The following DNAH10 variants were observed in gnomAD, a reference collection of about 807,000 sequenced individuals.
The protein encoded by DNAH10 is axonemal beta dynein heavy chain 10.
A neutral mutation model predicts 506.6 loss-of-function variants in DNAH10; 348 were observed. The observed-to-expected ratio is 0.69, with a 90% CI of 0.63 to 0.75. DNAH10 has a LOEUF of 0.75. Ranked by LOEUF, DNAH10 falls within the 30% of genes least tolerant of loss-of-function variation. The pLI, the probability that DNAH10 is intolerant of heterozygous loss-of-function variation, is 0.00. For synonymous variants in DNAH10, 2,059 were observed against 2,198.6 expected, an observed-to-expected ratio of 0.94 and a Z score of 1.78; for missense variants, 5,179 against 5,787.1, an observed-to-expected ratio of 0.89 and a Z score of 3.41.
Position 123,762,418 on chromosome 12 carries a change from C to A in DNAH10, c.82C>A (p.Leu28Met). Residue 28 changes from leucine (L) to methionine (M), a missense_variant, in exon 1 of 79, where the codon CTG (leucine) becomes ATG (methionine). Around this residue, in one of 3 missense-constraint regions of DNAH10, gnomAD observed 326 missense variants for 330.8 expected, o/e 0.99. Coordinates refer to ENST00000673944, the MANE Select transcript of DNAH10 (RefSeq NM_001372106.1). The surrounding 1 kb of genome is among the most constrained non-coding windows in gnomAD (Gnocchi z 5.0). The stretch of plus-strand genomic sequence containing the variant: ...CACCGACCCCCAGCTTTTCGAGGAC[C>A]TGCTCAACCGCGACGACGGCCAGGG... Reference protein sequence around the residue: ...GITDPQLFEDLLNRDDGQGED... With the variant: ...GITDPQLFEDMLNRDDGQGED... 7.1e-7 allele frequency: 1 copy of A among 1,415,980 alleles called. No homozygotes were observed. 87.7% of individuals were successfully genotyped at this position (1,415,980 alleles called of 1,614,324 possible).
At chr12:123,879,943 C>A in intron 50 of DNAH10, 142 bp downstream of exon 50, 1 of 1,009,026 alleles carries the variant, frequency 9.9e-7, no homozygotes, top group Non-Finnish European at 1.4e-6. Context: ...GTGTCTGGTC[C>A]GGTGGTTCCC....
chr12:123,910,389 C>T (rs1228588166), intron 58 of DNAH10, 147 bp from the exon 59 acceptor site: 2 of 1,049,816 alleles, frequency 1.9e-6, no homozygotes, highest in African/African-American at 1.6e-5. Context: ...CTTGGTTTGA[C>T]ACCACGCTGT....
Position 123,928,173 on chromosome 12 carries a change from TG to T in DNAH10, c.12106-211del. On this transcript the variant is annotated intron_variant, in intron 69 of 78. Coordinates refer to ENST00000673944, the MANE Select transcript of DNAH10 (RefSeq NM_001372106.1). The surrounding 1 kb of genome is among the most constrained non-coding windows in gnomAD (Gnocchi z 4.9). ...CAAAATGCTCACCCATCTTCCAGGCTGGGTGTGACCAGCTCAGTGCACCCAC... is the reference window on the plus strand; with the variant it reads ...CAAAATGCTCACCCATCTTCCAGGCTGGTGTGACCAGCTCAGTGCACCCAC... The T allele has an allele frequency of 1.6e-6, 1 of 607,400 alleles. No individual in the cohort carries two copies. Among genetic ancestry groups the T allele is most frequent in the Non-Finnish European group, 2.9e-6 (1 of 344,978 alleles). 37.6% of individuals were successfully genotyped at this position (607,400 alleles called of 1,614,324 possible).
intron 18 of DNAH10, among the ~76,000 whole-genome samples, chr12:123,808,452 A>T (rs1379104504): frequency 6.6e-6 from 1 of 152,154 alleles, no homozygotes; most frequent in Admixed American, 6.5e-5. Flanking sequence ...TGTCACATCT[A>T]CTTTCATCCT....
intron 6 of DNAH10, among the ~76,000 whole-genome samples, chr12:123,782,441 A>C (rs1594007909): frequency 5.3e-5 from 6 of 113,652 alleles, no homozygotes; most frequent in African/African-American, 1.4e-4. Flanking sequence ...ACAAGGTCTC[A>C]CTCTGCCGCC....
chr12:123,792,677 T>A (rs1292772921), intron 11 of DNAH10, among the ~76,000 whole-genome samples: 1 of 152,094 alleles, frequency 6.6e-6, no homozygotes, highest in African/African-American at 2.4e-5. Flanking sequence ...GCCAGGCTGG[T>A]CTTGAACTTC....
chr12:123,913,277 A>C lies in DNAH10; in HGVS notation c.10314A>C (p.Ala3438=), dbSNP rs1468943588. 11 of 1,605,632 alleles carry C rather than the reference A, an allele frequency of 6.9e-6. No homozygotes were observed. The highest frequency in any genetic ancestry group is 1.7e-5 in the Admixed American group (1 of 59,046). Residue 3438 remains alanine (A), a synonymous_variant, in exon 60 of 79, where the codon GCA becomes GCC. Transcript: ENST00000673944. This position sits in a 1 kb window ranked among gnomAD's most constrained non-coding sequence, Gnocchi z 5.1. The part of the protein sequence containing the change: ...AEIMERRLIA[A]DKLISGLGSE... ...TCATGGAGAGGCGGCTGATTGCCGC[A>C]GACAAACTCATCTCGGGTCTGGGGT...
rs532669434 is a variant in DNAH10 at position 123,790,724 on chromosome 12, G to A, written c.1815+603G>A. ...GAGGGAAATCAAGCTAGAAAGGTGG[G>A]TTGGGTAAATAATTGGTGATGAACA... On this transcript the variant is annotated intron_variant, in intron 11 of 78. Coordinates refer to ENST00000673944, the MANE Select transcript of DNAH10 (RefSeq NM_001372106.1). 8.7e-4 allele frequency among the ~76,000 whole-genome samples: 133 copies of A among 152,286 alleles called. 1 individual carries two copies. Among genetic ancestry groups the A allele is most frequent in the Middle Eastern group, 3.4e-3 (1 of 294 alleles).
intron 2 of DNAH10, 146 bp from the exon 3 acceptor site, chr12:123,771,451 TTTGA>T (rs1467357403): frequency 2.1e-5 from 14 of 676,036 alleles, no homozygotes; most frequent in Middle Eastern, 4.9e-4. Context: ...AAGGCCACAA[TTTGA>T]TTGATTGGAA....
Position 123,767,605 on chromosome 12 carries a change from G to A in DNAH10, c.215-1G>A. On this transcript the variant is annotated splice_acceptor_variant, in intron 1 of 78. Coordinates refer to ENST00000673944, the MANE Select transcript of DNAH10 (RefSeq NM_001372106.1). LOFTEE classifies it high-confidence loss of function. The stretch of plus-strand genomic sequence containing the variant: ...TTCTTCCCATTTATGTGGCCATAAA[G>A]ATGAGATACCTGTCCTGTCTGAAGA... 1 of 1,611,520 alleles carries A rather than the reference G, an allele frequency of 6.2e-7. No homozygotes were observed. Among genetic ancestry groups the A allele is most frequent in the Non-Finnish European group, 8.5e-7 (1 of 1,178,620 alleles).
intron 13 of DNAH10, among the ~76,000 whole-genome samples, chr12:123,798,863 T>C (rs1190160809): frequency 6.7e-6 from 1 of 149,906 alleles, no homozygotes; most frequent in East Asian, 1.9e-4. Flanking sequence ...CCCAGCACTT[T>C]GAAAGGCCGA....
Position 123,925,197 on chromosome 12 carries a change from G to A in DNAH10, c.11914G>A (p.Gly3972Arg). 6.2e-7 allele frequency: 1 copy of A among 1,613,982 alleles called. No individual in the cohort carries two copies. Among genetic ancestry groups the A allele is most frequent in the South Asian group, 1.1e-5 (1 of 91,078 alleles). The change falls in exon 68 of 79, where the codon GGA becomes AGA. Residue 3972 changes from glycine to arginine, a missense_variant. Physicochemically the swap from Gly to Arg is moderately radical, Grantham distance 125. Coordinates refer to ENST00000673944, the MANE Select transcript of DNAH10 (RefSeq NM_001372106.1). The surrounding 1 kb of genome is among the most constrained non-coding windows in gnomAD (Gnocchi z 4.0). ...GACTGACTATGTGACTGTAACAATG[G>A]GAGAGAAGTAAGTGTGTCGTTTTGT... Reference protein sequence around the residue: ...AVTDYVTVTMGEKYVQPPMIS... With the variant: ...AVTDYVTVTMREKYVQPPMIS...
rs1023065495 is a variant in DNAH10 at position 123,917,896 on chromosome 12, G to A, written c.11232+83G>A. 2.8e-6 allele frequency: 4 copies of A among 1,411,370 alleles called. No individual in the cohort carries two copies. Among genetic ancestry groups the A allele is most frequent in the Non-Finnish European group, 3.9e-6 (4 of 1,035,450 alleles). 87.4% of individuals were successfully genotyped at this position (1,411,370 alleles called of 1,614,324 possible). On this transcript the variant is annotated intron_variant, in intron 64 of 78. Coordinates refer to ENST00000673944, the MANE Select transcript of DNAH10 (RefSeq NM_001372106.1). The surrounding 1 kb of genome is among the most constrained non-coding windows in gnomAD (Gnocchi z 5.6). ...GCGTCCATTTCTCTGTCTGCTCAAT[G>A]AGAAAATGGGGCTCTGTGATCTCAG...
intron 38 of DNAH10, among the ~76,000 whole-genome samples, chr12:123,860,741 AAGTT>A (rs1265065517): frequency 2.0e-5 from 3 of 152,178 alleles, no homozygotes; most frequent in Non-Finnish European, 4.4e-5. Flanking sequence ...ATATACATGA[AAGTT>A]AGCTTCTTGG....
chr12:123,822,726 G>T (rs141114703), intron 24 of DNAH10, among the ~76,000 whole-genome samples: 23 of 152,332 alleles, frequency 1.5e-4, no homozygotes, highest in African/African-American at 5.1e-4. Flanking sequence ...GCAAGCTAGA[G>T]ACCCTGGAGA....
Position 123,830,636 on chromosome 12 carries a change from C to A in DNAH10, c.4482C>A (p.His1494Gln). The A allele has an allele frequency of 6.2e-7, 1 of 1,613,846 alleles. No individual in the cohort carries two copies. The highest frequency in any genetic ancestry group is 8.5e-7 in the Non-Finnish European group (1 of 1,179,850). The change falls in exon 26 of 79, where the codon CAC becomes CAA. Residue 1494 changes from histidine (H) to glutamine (Q), a missense_variant. His to Gln is a conservative substitution (Grantham distance 24). Around this residue, in one of 3 missense-constraint regions of DNAH10, gnomAD observed 4,844 missense variants for 5,430.5 expected, o/e 0.89. Coordinates refer to ENST00000673944, the MANE Select transcript of DNAH10 (RefSeq NM_001372106.1). ...TLENMFAMEL[H>Q]KHTDVLNEIV... ...AAAATATGTTTGCTATGGAACTGCA[C>A]AAACACACAGATGTTCTCAATGAGA...
chr12:123,832,329 A>G (rs7978454), intron 26 of DNAH10, among the ~76,000 whole-genome samples: 72,556 of 152,026 alleles, frequency 0.48, 18,915 homozygotes, highest in African/African-American at 0.67. Flanking sequence ...GCACACGTAC[A>G]TATAATGTAC....
chr12:123,783,502 G>C (rs1217746189), intron 7 of DNAH10, among the ~76,000 whole-genome samples: 4 of 152,178 alleles, frequency 2.6e-5, no homozygotes, highest in Non-Finnish European at 4.4e-5. Context: ...AGGAAGCTTG[G>C]GCTGCCAAAA....
chr12:123,868,974 G>A (rs112167336), intron 43 of DNAH10, among the ~76,000 whole-genome samples: 4 of 152,280 alleles, frequency 2.6e-5, no homozygotes, highest in African/African-American at 4.8e-5. Context: ...TCCCTCACTC[G>A]GAGACAATGT....
Sources: allele counts gnomAD v4.1 joint callset (sites outside exome capture counted in the v4.1 genomes callset), GRCh38; gene constraint gnomAD v4.1.1; regional missense constraint gnomAD v4.1.1; non-coding constraint Gnocchi (gnomAD v3.1); transcripts MANE v1.5; gene names NCBI Gene and HGNC (gene_info 2026-07-23, HGNC 2026-07-21).